The following DPP10 variants were observed in gnomAD, a reference collection of about 807,000 sequenced individuals.
DPP10 encodes the protein dipeptidyl peptidase like 10.
In DPP10, 33 loss-of-function variants were observed where a neutral mutation model predicts 120.9. The ratio of observed to expected loss-of-function variants is 0.27; its 90% CI spans 0.21 to 0.37. DPP10 has a LOEUF of 0.37. Among genes scored for constraint, DPP10 ranks in the 10% least tolerant of loss-of-function variants. The pLI, the probability that DPP10 is intolerant of heterozygous loss-of-function variation, is 1.00. For missense variants in DPP10, 816 were observed against 942.8 expected (o/e 0.87, Z 1.76); for synonymous variants, 337 against 326.1 (o/e 1.03, Z -0.36).
rs144096802 is a variant in DPP10 at position 114,843,273 on chromosome 2, C to G, written c.60+400435C>G. On this transcript the variant is annotated intron_variant, in intron 1 of 25. Coordinates refer to ENST00000410059, the MANE Select transcript of DPP10 (RefSeq NM_020868.6). The stretch of plus-strand genomic sequence containing the variant: ...CCCTGGAGGAACAAAGTTCATAGGA[C>G]TTCTAAACAAATCCCCCTATTACTC... Among the ~76,000 whole-genome samples the G allele has an allele frequency of 3.1e-3, 466 of 152,212 alleles. 4 individuals are homozygous for G. The highest frequency in any genetic ancestry group is 0.011 in the African/African-American group (445 of 41,552).
At chr2:115,312,759 A>C (rs1262422671) in intron 2 of DPP10, among the ~76,000 whole-genome samples, 1 of 152,112 alleles carries the variant, frequency 6.6e-6, no homozygotes, top group Non-Finnish European at 1.5e-5. Flanking sequence ...CCCTCTGTCC[A>C]CCAATATGTT....
intron 14 of DPP10, 78 bp from the exon 15 acceptor site, chr2:115,777,707 ATG>A: frequency 7.0e-7 from 1 of 1,420,042 alleles, no homozygotes; most frequent in Non-Finnish European, 9.9e-7. Flanking sequence ...TCAGGATTCA[ATG>A]TGACAATGTG....
chr2:115,673,123 A>AAT (rs1314130970), intron 5 of DPP10, among the ~76,000 whole-genome samples: 1 of 152,178 alleles, frequency 6.6e-6, no homozygotes, highest in Non-Finnish European at 1.5e-5. Context: ...ATAGCTTAAT[A>AAT]TGAGTCTCTG....
At chr2:114,891,760 A>T (rs945841214) in intron 1 of DPP10, among the ~76,000 whole-genome samples, 1 of 152,232 alleles carries the variant, frequency 6.6e-6, no homozygotes, top group Non-Finnish European at 1.5e-5. Flanking sequence ...CTCCTGATGG[A>T]TGATTAAATA....
chr2:115,167,049 A>T (rs572838016), intron 1 of DPP10, among the ~76,000 whole-genome samples: 1 of 152,312 alleles, frequency 6.6e-6, no homozygotes, highest in South Asian at 2.1e-4. Context: ...TCAAGTTCAT[A>T]TCCCAGGTCC....
chr2:114,749,226 C>T (rs1157573208), intron 1 of DPP10, among the ~76,000 whole-genome samples: 1 of 149,558 alleles, frequency 6.7e-6, no homozygotes, highest in Non-Finnish European at 1.5e-5. Flanking sequence ...CTGTTCATGT[C>T]CTTCGCCCAC....
intron 1 of DPP10, among the ~76,000 whole-genome samples, chr2:114,480,425 T>A (rs1336837406): frequency 6.6e-6 from 1 of 152,122 alleles, no homozygotes; most frequent in Non-Finnish European, 1.5e-5. Flanking sequence ...ATTGTGGTAG[T>A]ATTCACAATA....
chr2:114,873,919 A>C (rs1690922545), intron 1 of DPP10, among the ~76,000 whole-genome samples: 1 of 152,162 alleles, frequency 6.6e-6, no homozygotes, highest in South Asian at 2.1e-4. Flanking sequence ...AATGGGATAC[A>C]AAACTTGCTT....
chr2:115,367,364 C>T (rs2065141601), intron 3 of DPP10, among the ~76,000 whole-genome samples: 1 of 151,798 alleles, frequency 6.6e-6, no homozygotes, highest in African/African-American at 2.4e-5. Flanking sequence ...GATGTTCTTC[C>T]CAGTGTCTTA....
chr2:115,552,028 G>C (rs1029506886), intron 5 of DPP10, among the ~76,000 whole-genome samples: 1 of 152,046 alleles, frequency 6.6e-6, no homozygotes, highest in African/African-American at 2.4e-5. Flanking sequence ...GGCTACCATA[G>C]TTCCAGGTGT....
At chr2:115,547,286 C>T (rs62156661) in intron 5 of DPP10, among the ~76,000 whole-genome samples, 1 of 152,166 alleles carries the variant, frequency 6.6e-6, no homozygotes, top group Non-Finnish European at 1.5e-5. Flanking sequence ...TAGAATGATG[C>T]TTTTGCAGTC....
chr2:115,077,719 G>A lies in DPP10; in HGVS notation c.61-231520G>A, dbSNP rs373094012. 4.6e-5 allele frequency among the ~76,000 whole-genome samples: 7 copies of A among 152,258 alleles called. No homozygotes were observed. The East Asian group carries it at 9.6e-4, about 21-fold the overall frequency. On this transcript the variant is annotated intron_variant, in intron 1 of 25. Transcript: ENST00000410059. ...GCAGTGCAGTGTTCTGCCAAAACAC[G>A]TGGGCCTGTTGCCCTCAAGAACAGC... is the stretch of plus-strand genomic sequence containing the variant.
At position 115,484,285 on chromosome 2, in the gene DPP10, A is replaced by G. The variant is rs546553010; in HGVS notation, c.272-15225A>G. On this transcript the variant is annotated intron_variant, in intron 3 of 25. Transcript: ENST00000410059. ...TTTTTACAAATAATACCCTCCATAA[A>G]TAAACATAGTTATTATGAATGCACA... Among the ~76,000 whole-genome samples the G allele has an allele frequency of 7.2e-5, 11 of 152,128 alleles. 1 individual carries two copies. The South Asian group carries it at 2.3e-3, about 32-fold the overall frequency.
At chr2:115,283,058 T>G (rs1330486917) in intron 1 of DPP10, among the ~76,000 whole-genome samples, 1 of 152,028 alleles carries the variant, frequency 6.6e-6, no homozygotes, top group Non-Finnish European at 1.5e-5. Context: ...GGATTAGATT[T>G]TCTAATCTGG....
At chr2:114,916,223 T>C (rs954384763) in intron 1 of DPP10, among the ~76,000 whole-genome samples, 1 of 152,156 alleles carries the variant, frequency 6.6e-6, no homozygotes, top group Admixed American at 6.5e-5. Context: ...CTACAAAACC[T>C]AGAAGAAATG....
At chr2:115,279,488 C>T (rs2060053496) in intron 1 of DPP10, among the ~76,000 whole-genome samples, 1 of 151,856 alleles carries the variant, frequency 6.6e-6, no homozygotes, top group Non-Finnish European at 1.5e-5. Flanking sequence ...CTCCAGAATG[C>T]AGTTCAGTTG....
At chr2:114,760,639 C>T (rs1680199805) in intron 1 of DPP10, among the ~76,000 whole-genome samples, 3 of 151,944 alleles carry the variant, frequency 2.0e-5, no homozygotes, top group Non-Finnish European at 2.9e-5. Context: ...GCACTGTCTT[C>T]ACATTTGCTG....
At chr2:115,684,872 T>C (rs2090892781) in intron 5 of DPP10, among the ~76,000 whole-genome samples, 2 of 151,998 alleles carry the variant, frequency 1.3e-5, no homozygotes, top group African/African-American at 4.8e-5. Context: ...TTAACTCTGG[T>C]AATCAATTAA....
At chr2:115,221,468 A>G (rs1194067759) in intron 1 of DPP10, among the ~76,000 whole-genome samples, 1 of 152,180 alleles carries the variant, frequency 6.6e-6, no homozygotes, top group South Asian at 2.1e-4. Context: ...TTTCTGCACC[A>G]TTACAAGGTA....
Sources: allele counts gnomAD v4.1 joint callset (sites outside exome capture counted in the v4.1 genomes callset), GRCh38; gene constraint gnomAD v4.1.1; transcripts MANE v1.5; gene names NCBI Gene and HGNC (gene_info 2026-07-23, HGNC 2026-07-21).